SLC16A12: variants seen among roughly 807,000 people sequenced by gnomAD.
SLC16A12 encodes monocarboxylate transporter 12.
A neutral mutation model predicts 42.4 loss-of-function variants in SLC16A12; 17 were observed. The observed-to-expected ratio is 0.40, with a 90% CI of 0.27 to 0.60. The LOEUF is 0.60. Among genes scored for constraint, SLC16A12 ranks in the 20% least tolerant of loss-of-function variants. SLC16A12 has a pLI of 0.42. For synonymous variants in SLC16A12, 224 were observed against 229.4 expected (o/e 0.98, Z 0.21); for missense variants, 544 against 623.0 (o/e 0.87, Z 1.35).
intron 6 of SLC16A12, among the ~76,000 whole-genome samples, chr10:89,436,633 GT>G (rs1479646269): frequency 2.6e-5 from 4 of 152,024 alleles, no homozygotes; most frequent in Admixed American, 2.6e-4. Flanking sequence ...ATCTCACAGG[GT>G]TACTCTGAAA....
chr10:89,503,416 A>G (rs181872065), intron 2 of SLC16A12, among the ~76,000 whole-genome samples: 37 of 152,320 alleles, frequency 2.4e-4, no homozygotes, highest in Middle Eastern at 3.4e-3. Context: ...AGGTCCCCAT[A>G]AAATCCCATT....
At chr10:89,539,564 A>G (rs141095541), upstream of SLC16A12, among the ~76,000 whole-genome samples, 78 of 152,370 alleles carry the variant, frequency 5.1e-4, no homozygotes, top group African/African-American at 1.7e-3. Flanking sequence ...TGGTCAAACA[A>G]GAATGTGTGG....
At chr10:89,520,720 CAAAAAA>C (rs10712043) in intron 2 of SLC16A12, among the ~76,000 whole-genome samples, 2 of 100,108 alleles carry the variant, frequency 2.0e-5, no homozygotes, top group African/African-American at 4.0e-5. Flanking sequence ...TCACATAGGC[CAAAAAA>C]AAAAAAAAAA....
At chr10:89,437,168 G>A (rs567450755) in intron 6 of SLC16A12, among the ~76,000 whole-genome samples, 1 of 152,330 alleles carries the variant, frequency 6.6e-6, no homozygotes, top group South Asian at 2.1e-4. Flanking sequence ...AGGGGAAACT[G>A]TAATACAAAG....
At chr10:89,539,484 G>A (rs1843698611), upstream of SLC16A12, among the ~76,000 whole-genome samples, 1 of 152,170 alleles carries the variant, frequency 6.6e-6, no homozygotes, top group Non-Finnish European at 1.5e-5. Context: ...TTAATTTTCA[G>A]ATAGGATTCT....
chr10:89,472,490 T>A (rs1412582102), intron 2 of SLC16A12, among the ~76,000 whole-genome samples: 158 of 118,282 alleles, frequency 1.3e-3, no homozygotes, highest in African/African-American at 4.4e-3. Context: ...TTTCTTTCTT[T>A]TTTTTTTTTT....
At chr10:89,550,218 A>G (rs1053366705) in intron 2 of SLC16A12, among the ~76,000 whole-genome samples, 2 of 152,172 alleles carry the variant, frequency 1.3e-5, no homozygotes, top group Non-Finnish European at 2.9e-5. Context: ...TAAAACATCA[A>G]GAATGTTTTT....
intron 2 of SLC16A12, among the ~76,000 whole-genome samples, chr10:89,530,785 G>A (rs1018787299): frequency 1.3e-5 from 2 of 151,956 alleles, no homozygotes; most frequent in African/African-American, 4.8e-5. Flanking sequence ...GAACATAGCC[G>A]TCACCCCAAA....
intron 2 of SLC16A12, among the ~76,000 whole-genome samples, chr10:89,507,748 T>G (rs774915674): frequency 1.3e-5 from 2 of 150,874 alleles, no homozygotes; most frequent in Admixed American, 1.3e-4. Context: ...CAAATGTAAA[T>G]GGGCTAAATG....
At chr10:89,541,883 T>A (rs1458429808) in intron 2 of SLC16A12, among the ~76,000 whole-genome samples, 1 of 152,248 alleles carries the variant, frequency 6.6e-6, no homozygotes, top group Non-Finnish European at 1.5e-5. Flanking sequence ...ATGTGTTTGA[T>A]ATTATTATTT....
chr10:89,487,017 C>T (rs137900544), intron 2 of SLC16A12, among the ~76,000 whole-genome samples: 43 of 152,318 alleles, frequency 2.8e-4, no homozygotes, highest in African/African-American at 1.0e-3. Flanking sequence ...ACGAAACATA[C>T]ACCCTTTCAC....
intron 2 of SLC16A12, among the ~76,000 whole-genome samples, chr10:89,532,800 G>A (rs925326946): frequency 6.6e-6 from 1 of 152,188 alleles, no homozygotes; most frequent in Non-Finnish European, 1.5e-5. Context: ...CTTAAAACTG[G>A]AATGTCTAAT....
chr10:89,446,787 A>T (rs1589665716), intron 3 of SLC16A12, among the ~76,000 whole-genome samples: 2 of 152,156 alleles, frequency 1.3e-5, no homozygotes, highest in Non-Finnish European at 2.9e-5. Context: ...TGGGCTAAAT[A>T]CCCCAATTAA....
chr10:89,521,954 T>G (rs1005440341), intron 2 of SLC16A12, among the ~76,000 whole-genome samples: 3 of 152,218 alleles, frequency 2.0e-5, no homozygotes, highest in Non-Finnish European at 2.9e-5. Context: ...TCCATATTAC[T>G]GCCCATACTT....
rs924179414 is a variant in SLC16A12 at position 89,430,996 on chromosome 10, C to A, written c.*2068G>T. ...TCTTAACTTTGACATTTTACAGATACCTTCCAATTTTTTTTTTTTGAGATG... is the reference window on the plus strand; with the variant it reads ...TCTTAACTTTGACATTTTACAGATAACTTCCAATTTTTTTTTTTTGAGATG... On this transcript the variant is annotated 3_prime_UTR_variant, in exon 8 of 8. Coordinates refer to ENST00000371790, the MANE Select transcript of SLC16A12 (RefSeq NM_213606.4). 17 of 253,988 alleles carry A rather than the reference C, an allele frequency of 6.7e-5. No individual in the cohort carries two copies. The highest frequency in any genetic ancestry group is 1.1e-4 in the Non-Finnish European group (16 of 142,060). The allele number at this position is 253,988 out of a possible 1,614,324, so 15.7% of individuals were successfully genotyped here.
At chr10:89,486,476 C>CA (rs1842742006) in intron 2 of SLC16A12, among the ~76,000 whole-genome samples, 1 of 150,668 alleles carries the variant, frequency 6.6e-6, no homozygotes, top group African/African-American at 2.4e-5. Context: ...CCTGTAGTCC[C>CA]AGCTACTCAG....
At chr10:89,457,139 A>G (rs1331438259) in intron 3 of SLC16A12, among the ~76,000 whole-genome samples, 3 of 152,216 alleles carry the variant, frequency 2.0e-5, no homozygotes, top group African/African-American at 7.2e-5. Flanking sequence ...GATCTAATTA[A>G]ACTAAAGAGC....
chr10:89,450,891 A>T (rs1403406929), intron 3 of SLC16A12, among the ~76,000 whole-genome samples: 1 of 152,210 alleles, frequency 6.6e-6, no homozygotes, highest in Non-Finnish European at 1.5e-5. Flanking sequence ...ATGATTTCTT[A>T]TGTAACCAGA....
chr10:89,481,643 TTGTGTG>T (rs66954717), intron 2 of SLC16A12, among the ~76,000 whole-genome samples: 85 of 144,116 alleles, frequency 5.9e-4, no homozygotes, highest in African/African-American at 1.4e-3. Flanking sequence ...TTTTTTTTTC[TTGTGTG>T]TGTGTGTGTG....
Sources: allele counts gnomAD v4.1 joint callset (sites outside exome capture counted in the v4.1 genomes callset), GRCh38; gene constraint gnomAD v4.1.1; transcripts MANE v1.5; gene names NCBI Gene and HGNC (gene_info 2026-07-23, HGNC 2026-07-21).